The following CC2D2B variants were observed in gnomAD, a reference collection of about 807,000 sequenced individuals.
CC2D2B encodes protein CC2D2B.
A neutral mutation model predicts 161.2 loss-of-function variants in CC2D2B; 128 were observed. The ratio of observed to expected loss-of-function variants is 0.79; its 90% CI spans 0.69 to 0.92. The LOEUF (loss-of-function observed/expected upper bound fraction) is 0.92, where lower values mean the gene tolerates loss of function less well. CC2D2B is among the 40% of genes least tolerant of loss of function. The pLI is 0.00. For synonymous variants in CC2D2B, 391 were observed against 449.8 expected (o/e 0.87, Z 1.65); for missense variants, 1,173 against 1,375.1 (o/e 0.85, Z 2.32).
chr10:95,982,508 T>C (rs2077566395), intron 18 of CC2D2B, among the ~76,000 whole-genome samples: 1 of 152,212 alleles, frequency 6.6e-6, no homozygotes, highest in South Asian at 2.1e-4. Flanking sequence ...CTCTTCTTTA[T>C]AGCCAACTGA....
chr10:95,951,608 A>C (rs1479795566), intron 10 of CC2D2B, among the ~76,000 whole-genome samples: 1 of 152,210 alleles, frequency 6.6e-6, no homozygotes, highest in African/African-American at 2.4e-5. Flanking sequence ...GAAGGAAACA[A>C]CTCAGATTAA....
intron 20 of CC2D2B, among the ~76,000 whole-genome samples, chr10:95,990,289 G>A (rs569724652): frequency 6.6e-6 from 1 of 152,212 alleles, no homozygotes; most frequent in Admixed American, 6.5e-5. Context: ...GTGAGTAAGG[G>A]CACAATTTTA....
Position 95,947,113 on chromosome 10 carries a change from ATTTTTTTTT to A in CC2D2B, c.802-2774_802-2766del, listed in dbSNP as rs753866384. Among the ~76,000 whole-genome samples the A allele has an allele frequency of 9.5e-3, 454 of 48,042 alleles. 12 individuals carry two copies. Among genetic ancestry groups the A allele is most frequent in the East Asian group, 0.033 (55 of 1,678 alleles). The allele number at this position is 48,042 out of a possible 152,430, so 31.5% of individuals were successfully genotyped here. On this transcript the variant is annotated intron_variant, in intron 9 of 34. Coordinates refer to ENST00000646931, the MANE Select transcript of CC2D2B (RefSeq NM_001349008.3). ...TATATATATATATATATATATATAT[ATTTTTTTTT>A]TTTTTTTTGAGACAAAGTATTGCTC... is the stretch of plus-strand genomic sequence containing the variant.
chr10:95,988,300 T>C lies in CC2D2B; in HGVS notation c.2337T>C (p.Ser779=). 5.7e-6 allele frequency: 7 copies of C among 1,227,888 alleles called. No individual in the cohort carries two copies. Among genetic ancestry groups the C allele is most frequent in the African/African-American group, 4.7e-5 (3 of 64,430 alleles). 76.1% of individuals were successfully genotyped at this position (1,227,888 alleles called of 1,614,324 possible). A position where few individuals can be genotyped will look rare whatever the true frequency, so the allele number is the denominator to read the frequency against. Residue 779 remains serine, a synonymous_variant, in exon 20 of 35, where the codon TCT becomes TCC. Transcript: ENST00000646931. ...EKEVSVSDVN[S]ITAQRINSAN... ...AGGTATCCGTTTCAGATGTAAATTC[T>C]ATTACAGCACAAAGGATTAATTCTG...
chr10:95,988,451 A>C, intron 20 of CC2D2B, 109 bp downstream of exon 20: 1 of 421,448 alleles, frequency 2.4e-6, no homozygotes, highest in African/African-American at 2.0e-5. Flanking sequence ...GAATCCACTC[A>C]CTCGTCACCT....
intron 1 of CC2D2B, among the ~76,000 whole-genome samples, chr10:95,910,956 T>C (rs553164816): frequency 3.2e-4 from 49 of 152,298 alleles, no homozygotes; most frequent in Admixed American, 9.8e-4. Context: ...ATATATTCTC[T>C]TGTATTCTGC....
At chr10:95,932,406 A>C (rs2075639052) in intron 6 of CC2D2B, among the ~76,000 whole-genome samples, 1 of 152,206 alleles carries the variant, frequency 6.6e-6, no homozygotes, top group Admixed American at 6.5e-5. Flanking sequence ...TTCTGTGTGA[A>C]TCTGATACTG....
intron 15 of CC2D2B, among the ~76,000 whole-genome samples, chr10:95,970,587 G>A (rs77550793): frequency 0.013 from 1,974 of 152,252 alleles, 57 homozygotes; most frequent in African/African-American, 0.044. Context: ...CTCTATCTCA[G>A]TACACTTACC....
In CC2D2B at chr10:95,996,265, T is replaced by C; in HGVS notation, c.2849+13T>C. 3 of 1,198,302 alleles carry C rather than the reference T, an allele frequency of 2.5e-6. No individual in the cohort carries two copies. Among genetic ancestry groups the C allele is most frequent in the Non-Finnish European group, 3.5e-6 (3 of 866,124 alleles). 74.2% of individuals were successfully genotyped at this position (1,198,302 alleles called of 1,614,324 possible). A position where few individuals can be genotyped will look rare whatever the true frequency, so the allele number is the denominator to read the frequency against. ...AAGTAGATTTTGTGTAAGTTGGAGT[T>C]CATTTTTCCATAGCTCCTAAAAAAA... On this transcript the variant is annotated intron_variant, in intron 24 of 34. Transcript: ENST00000646931.
chr10:95,968,696 G>C, intron 14 of CC2D2B, 28 bp from the exon 15 acceptor site: 1 of 1,012,622 alleles, frequency 9.9e-7, no homozygotes, highest in Non-Finnish European at 1.3e-6. Context: ...CTTTTTAAGG[G>C]TGATTTAAAG....
chr10:95,922,183 G>A, intron 3 of CC2D2B, 107 bp downstream of exon 3: 1 of 542,880 alleles, frequency 1.8e-6, no homozygotes, highest in Non-Finnish European at 3.2e-6. Flanking sequence ...AATTTCCTAA[G>A]GAATCAGTTT....
chr10:95,935,982 C>G (rs1258646619), intron 6 of CC2D2B, among the ~76,000 whole-genome samples: 3 of 152,152 alleles, frequency 2.0e-5, no homozygotes, highest in African/African-American at 7.2e-5. Flanking sequence ...AAATGGGTAT[C>G]AAACTTTCCT....
intron 6 of CC2D2B, among the ~76,000 whole-genome samples, chr10:95,928,379 T>C (rs2098543395): frequency 2.6e-5 from 4 of 152,176 alleles, no homozygotes; most frequent in South Asian, 4.1e-4. Flanking sequence ...CATACTTTTC[T>C]CTATGCTTAG....
At chr10:95,960,188 C>A (rs1205012415) in intron 11 of CC2D2B, among the ~76,000 whole-genome samples, 1 of 152,292 alleles carries the variant, frequency 6.6e-6, no homozygotes, top group East Asian at 1.9e-4. Flanking sequence ...GCTATCCTTT[C>A]TACTGCATCA....
At chr10:95,983,016 C>T (rs1358705784) in intron 18 of CC2D2B, among the ~76,000 whole-genome samples, 4 of 152,212 alleles carry the variant, frequency 2.6e-5, no homozygotes, top group African/African-American at 9.7e-5. Context: ...AGGTGATCCA[C>T]CTGCCATGGC....
At chr10:95,935,968 G>C (rs2141255118) in intron 6 of CC2D2B, among the ~76,000 whole-genome samples, 1 of 152,212 alleles carries the variant, frequency 6.6e-6, no homozygotes, top group Middle Eastern at 3.4e-3. Flanking sequence ...AATGAATATT[G>C]ATTAAATGGG....
chr10:96,017,558 G>T (rs10748653), intron 30 of CC2D2B, among the ~76,000 whole-genome samples: 100,315 of 151,978 alleles, frequency 0.66, 33,355 homozygotes, highest in East Asian at 0.86. Context: ...CAAGAGCAAG[G>T]GCTGTGAAGT....
At position 96,019,492 on chromosome 10, in the gene CC2D2B, G is replaced by A. The variant is rs76974359; in HGVS notation, c.3765+155G>A. On this transcript the variant is annotated intron_variant, in intron 31 of 34. Transcript: ENST00000646931. Reference sequence around the variant, plus strand: ...TCTTTTATCACTAAAGCTCCTCCAGGTGATTGTGTAGTGCCTTCAAGGATG... The same window carrying A: ...TCTTTTATCACTAAAGCTCCTCCAGATGATTGTGTAGTGCCTTCAAGGATG... The A allele has an allele frequency of 5.6e-4, 472 of 847,574 alleles. 2 individuals carry two copies. In the East Asian group the frequency reaches 0.011, roughly 20 times the overall value. 52.5% of individuals were successfully genotyped at this position (847,574 alleles called of 1,614,324 possible). A position where few individuals can be genotyped will look rare whatever the true frequency, so the allele number is the denominator to read the frequency against.
chr10:95,978,433 T>C (rs1290481225), intron 17 of CC2D2B, among the ~76,000 whole-genome samples: 2 of 152,190 alleles, frequency 1.3e-5, no homozygotes, highest in East Asian at 1.9e-4. Flanking sequence ...GGTGTAATCA[T>C]AGCAGCCTCA....
Sources: gnomAD v4.1 joint callset for allele counts (sites outside exome capture counted in the v4.1 genomes callset) on GRCh38, gnomAD v4.1.1 for gene constraint, MANE v1.5 for transcripts, NCBI Gene and HGNC (gene_info 2026-07-23, HGNC 2026-07-21) for gene names.